Variants in PTPRD observed in about 807,000 individuals in gnomAD.
PTPRD encodes the protein receptor-type tyrosine-protein phosphatase delta.
PTPRD carries 34 observed loss-of-function variants against 214.5 expected under a neutral mutation model. That is an observed-to-expected ratio of 0.16 (90% CI 0.12 to 0.21). The LOEUF (loss-of-function observed/expected upper bound fraction) is 0.21, where lower values mean the gene tolerates loss of function less well. Among genes scored for constraint, PTPRD ranks in the 10% least tolerant of loss-of-function variants. PTPRD has a pLI of 1.00. For missense variants in PTPRD, 2,545 were observed against 2,398.7 expected, an observed-to-expected ratio of 1.06 and a Z score of -1.27; for synonymous variants, 1,128 against 845.7, an observed-to-expected ratio of 1.33 and a Z score of -5.79.
chr9:8,845,532 C>A (rs977711118), intron 11 of PTPRD, among the ~76,000 whole-genome samples: 2 of 152,212 alleles, frequency 1.3e-5, no homozygotes, highest in African/African-American at 4.8e-5. Context: ...TGAAAGACAG[C>A]CTGGCTGTGC....
At chr9:9,301,970 AC>A (rs1424171021) in intron 9 of PTPRD, among the ~76,000 whole-genome samples, 5 of 151,936 alleles carry the variant, frequency 3.3e-5, no homozygotes, top group Non-Finnish European at 5.9e-5. Flanking sequence ...TGGTTCATTC[AC>A]TATTTAAAGT....
intron 11 of PTPRD, among the ~76,000 whole-genome samples, chr9:8,799,272 G>T (rs984799750): frequency 6.6e-6 from 1 of 152,152 alleles, no homozygotes; most frequent in African/African-American, 2.4e-5. Context: ...TTTCCTCAAG[G>T]AACCTTAGCA....
chr9:9,645,147 C>T (rs986677691), intron 7 of PTPRD, among the ~76,000 whole-genome samples: 1 of 152,242 alleles, frequency 6.6e-6, no homozygotes, highest in Non-Finnish European at 1.5e-5. Context: ...TGCACCTGCT[C>T]ACCTGCGTGC....
At chr9:9,108,958 A>C (rs1190504683) in intron 10 of PTPRD, among the ~76,000 whole-genome samples, 1 of 152,128 alleles carries the variant, frequency 6.6e-6, no homozygotes, top group Non-Finnish European at 1.5e-5. Context: ...CATCTCATTC[A>C]ACTGAACCCA....
At chr9:10,454,401 T>A (rs1200649996) in intron 2 of PTPRD, among the ~76,000 whole-genome samples, 1 of 151,310 alleles carries the variant, frequency 6.6e-6, no homozygotes, top group Non-Finnish European at 1.5e-5. Context: ...GCCAAATACA[T>A]TCCTCAGAAT....
At chr9:9,175,141 C>T (rs1485784766) in intron 10 of PTPRD, among the ~76,000 whole-genome samples, 11 of 152,056 alleles carry the variant, frequency 7.2e-5, no homozygotes, top group South Asian at 2.1e-4. Flanking sequence ...AAATAAATTG[C>T]TGTTTATATG....
At chr9:9,241,655 TAGGA>T (rs1270654024) in intron 9 of PTPRD, among the ~76,000 whole-genome samples, 14 of 152,002 alleles carry the variant, frequency 9.2e-5, no homozygotes, top group Non-Finnish European at 1.6e-4. Context: ...TATCAGAGAC[TAGGA>T]TTGCAACCCC....
intron 12 of PTPRD, chr9:8,700,815 T>C (rs934897225): frequency 1.3e-5 from 2 of 152,220 alleles, no homozygotes; most frequent in African/African-American, 4.8e-5. Context: ...AGGTGTCTTG[T>C]CCTTTAAATA....
At chr9:10,602,861 C>T (rs2078329926) in intron 2 of PTPRD, among the ~76,000 whole-genome samples, 1 of 151,722 alleles carries the variant, frequency 6.6e-6, no homozygotes, top group Non-Finnish European at 1.5e-5. Flanking sequence ...TTAAAATACT[C>T]TGAATTATAG....
Position 8,527,373 on chromosome 9 carries a change from G to A in PTPRD, c.542-20C>T, listed in dbSNP as rs765415959. The A allele has an allele frequency of 3.1e-6, 5 of 1,604,922 alleles. No individual in the cohort carries two copies. The East Asian group carries it at 1.1e-4, about 36-fold the overall frequency. On this transcript the variant is annotated intron_variant, in intron 15 of 45. Coordinates refer to ENST00000381196, the MANE Select transcript of PTPRD (RefSeq NM_002839.4). ...TAGATTCTGGAGATTTAAATACGGA[G>A]AGAAGAAAGACAGCATAAAAATATT...
intron 8 of PTPRD, among the ~76,000 whole-genome samples, chr9:9,548,260 C>G (rs1223857787): frequency 1.3e-5 from 2 of 151,380 alleles, no homozygotes; most frequent in African/African-American, 4.9e-5. Flanking sequence ...AGCAAGAATA[C>G]AGACCTAAAC....
chr9:9,652,013 T>C (rs2096372584), intron 7 of PTPRD, among the ~76,000 whole-genome samples: 1 of 151,470 alleles, frequency 6.6e-6, no homozygotes, highest in Non-Finnish European at 1.5e-5. Flanking sequence ...TTTTGTTTTT[T>C]TGTATTTTTA....
intron 4 of PTPRD, among the ~76,000 whole-genome samples, chr9:10,028,713 T>C (rs1308294769): frequency 6.6e-6 from 1 of 152,150 alleles, no homozygotes; most frequent in African/African-American, 2.4e-5. Context: ...GGAAGAAATT[T>C]CTAAGCAGTA....
At chr9:10,279,730 C>T (rs2094977405) in intron 3 of PTPRD, among the ~76,000 whole-genome samples, 1 of 151,756 alleles carries the variant, frequency 6.6e-6, no homozygotes, top group African/African-American at 2.4e-5. Context: ...AAAGCCTTTC[C>T]TCTGAGCGAC....
intron 12 of PTPRD, among the ~76,000 whole-genome samples, chr9:8,643,588 C>G (rs1243305844): frequency 6.6e-6 from 1 of 152,186 alleles, no homozygotes; most frequent in Non-Finnish European, 1.5e-5. Context: ...GGGGACCCAC[C>G]ACCACCACTG....
chr9:8,844,963 A>G (rs1258004649), intron 11 of PTPRD, among the ~76,000 whole-genome samples: 1 of 152,190 alleles, frequency 6.6e-6, no homozygotes, highest in Non-Finnish European at 1.5e-5. Context: ...CAAGTTTTCT[A>G]AAATCTTAAA....
At chr9:8,620,611 G>A (rs770622862) in intron 14 of PTPRD, among the ~76,000 whole-genome samples, 3 of 151,902 alleles carry the variant, frequency 2.0e-5, no homozygotes, top group African/African-American at 2.4e-5. Flanking sequence ...AGTTAATGGC[G>A]GGGGGCAGGG....
intron 9 of PTPRD, among the ~76,000 whole-genome samples, chr9:9,327,666 A>T (rs776661655): frequency 6.6e-6 from 1 of 151,942 alleles, no homozygotes; most frequent in Non-Finnish European, 1.5e-5. Flanking sequence ...GGGAAATAAT[A>T]ACAATAATAA....
intron 3 of PTPRD, among the ~76,000 whole-genome samples, chr9:10,221,867 A>G (rs2099572385): frequency 6.6e-6 from 1 of 151,998 alleles, no homozygotes; most frequent in African/African-American, 2.4e-5. Context: ...GTAGTAGACC[A>G]TAAATGCTTT....
Sources: gnomAD v4.1 joint callset for allele counts (sites outside exome capture counted in the v4.1 genomes callset) on GRCh38, gnomAD v4.1.1 for gene constraint, MANE v1.5 for transcripts, NCBI Gene and HGNC (gene_info 2026-07-23, HGNC 2026-07-21) for gene names.